The following GRIA2 variants were observed in gnomAD, a reference collection of about 807,000 sequenced individuals.
The protein encoded by GRIA2 is glutamate ionotropic receptor AMPA type subunit 2.
Under a neutral mutation model 97.3 loss-of-function variants are expected in GRIA2, and 14 were observed. The observed-to-expected ratio is 0.14, with a 90% CI of 0.10 to 0.23. The LOEUF is 0.23. GRIA2 is among the 10% of genes least tolerant of loss of function. The pLI is 1.00. For synonymous variants in GRIA2, 412 were observed against 387.8 expected (o/e 1.06, Z -0.73); for missense variants, 558 against 1,069.8 (o/e 0.52, Z 6.67).
intron 2 of GRIA2, among the ~76,000 whole-genome samples, chr4:157,272,810 A>G (rs1245936790): frequency 6.6e-6 from 1 of 152,102 alleles, no homozygotes; most frequent in African/African-American, 2.4e-5. Context: ...TCTGCCAAAC[A>G]TTCTGTCTCA....
chr4:157,289,099 G>A lies in GRIA2; in HGVS notation c.230-14453G>A, dbSNP rs1732975211. ...CTCTGCTGTGACCAATGCTGAGAAG[G>A]CAGCAAAGATTTGATTTGCAATCAA... is the stretch of plus-strand genomic sequence containing the variant. On this transcript the variant is annotated intron_variant, in intron 2 of 15. Coordinates refer to ENST00000264426, the MANE Select transcript of GRIA2 (RefSeq NM_001083619.3). 2.6e-5 allele frequency among the ~76,000 whole-genome samples: 4 copies of A among 151,796 alleles called. No individual in the cohort carries two copies. In the Admixed American group the frequency reaches 2.6e-4, roughly 10 times the overall value.
At chr4:157,272,715 A>C (rs1404779956) in intron 2 of GRIA2, among the ~76,000 whole-genome samples, 1 of 152,084 alleles carries the variant, frequency 6.6e-6, no homozygotes. Context: ...TGCCCTTAAG[A>C]GAAACTACTT....
chr4:157,292,521 G>T (rs185463522), intron 2 of GRIA2, among the ~76,000 whole-genome samples: 3 of 151,926 alleles, frequency 2.0e-5, no homozygotes, highest in African/African-American at 7.2e-5. Context: ...ATGAAGGATC[G>T]AGAATTTGGT....
Position 157,266,550 on chromosome 4 carries a change from T to A in GRIA2, c.230-37002T>A, listed in dbSNP as rs147767905. Among the ~76,000 whole-genome samples the A allele has an allele frequency of 3.7e-3, 563 of 152,142 alleles. 2 individuals are homozygous for A. Among genetic ancestry groups the A allele is most frequent in the African/African-American group, 0.012 (517 of 41,530 alleles). On this transcript the variant is annotated intron_variant, in intron 2 of 15. Coordinates refer to ENST00000264426, the MANE Select transcript of GRIA2 (RefSeq NM_001083619.3). ...AGTTTGTTAGCTAGAGAAACAAAAG[T>A]CCTCGGAGACCTTGGCAGATGAATT...
At chr4:157,343,045 A>T (rs187438799) in intron 12 of GRIA2, among the ~76,000 whole-genome samples, 8 of 152,194 alleles carry the variant, frequency 5.3e-5, no homozygotes, top group East Asian at 3.9e-4. Flanking sequence ...AGTAGACAAG[A>T]CAAGAAAGCT....
At position 157,332,961 on chromosome 4, in the gene GRIA2, T is replaced by C. The variant is rs771056190; in HGVS notation, c.1025T>C (p.Val342Ala). 6.2e-7 allele frequency: 1 copy of C among 1,609,822 alleles called. No homozygotes were observed. Among genetic ancestry groups the C allele is most frequent in the East Asian group, 2.2e-5 (1 of 44,820 alleles). ...ANPAVPWGQG[V>A]EIERALKQVQ... is the part of the protein sequence containing the mutation. ...CCAGCAGTGCCCTGGGGACAAGGTG[T>C]AGAAATAGAAAGGGCCCTCAAACAG... The change falls in exon 7 of 16, where the codon GTA becomes GCA. Residue 342 changes from valine (V) to alanine (A), a missense_variant. Physicochemically the swap from Val to Ala is moderately conservative, Grantham distance 64 (BLOSUM62 0). This residue lies in a region of GRIA2 where 66 missense variants were observed against 118.7 expected (regional missense o/e 0.56). Coordinates refer to ENST00000264426, the MANE Select transcript of GRIA2 (RefSeq NM_001083619.3).
chr4:157,361,527 T>G lies in GRIA2; in HGVS notation c.2406+403T>G, dbSNP rs780011174. ...ATTGATAATGTTATTTATGTTATTT[T>G]CCACGTGAAGAACCCCAGTAAATCT... On this transcript the variant is annotated intron_variant, in intron 14 of 15. Transcript: ENST00000264426. This position sits in a 1 kb window ranked among gnomAD's most constrained non-coding sequence, Gnocchi z 5.2. The G allele has an allele frequency of 4.7e-6, 7 of 1,499,584 alleles. No homozygotes were observed. The highest frequency in any genetic ancestry group is 6.5e-6 in the Non-Finnish European group (7 of 1,076,226). 92.9% of individuals were successfully genotyped at this position (1,499,584 alleles called of 1,614,324 possible).
intron 2 of GRIA2, among the ~76,000 whole-genome samples, chr4:157,297,772 G>T (rs1733416345): frequency 6.8e-6 from 1 of 146,056 alleles, no homozygotes; most frequent in Non-Finnish European, 1.5e-5. Flanking sequence ...GGCATTTTAT[G>T]TATTTCTTTT....
At chr4:157,222,599 G>T (rs1202941828) in intron 2 of GRIA2, among the ~76,000 whole-genome samples, 1 of 152,196 alleles carries the variant, frequency 6.6e-6, no homozygotes, top group Admixed American at 6.5e-5. Context: ...AGCCCGGCGC[G>T]CTTTGTTCTC....
In GRIA2 at chr4:157,363,876, C is replaced by T. The variant is rs1736755351; in HGVS notation, c.*445C>T. 1 of 251,354 alleles carries T rather than the reference C, an allele frequency of 4.0e-6. No homozygotes were observed. The highest frequency in any genetic ancestry group is 2.2e-5 in the African/African-American group (1 of 45,206). 15.6% of individuals were successfully genotyped at this position (251,354 alleles called of 1,614,324 possible). A position where few individuals can be genotyped will look rare whatever the true frequency, so the allele number is the denominator to read the frequency against. ...GACAACAAACCTGTTTCTGCAGCCA[C>T]TATTGTTAGTCTCTTGATTCATAAT... On this transcript the variant is annotated 3_prime_UTR_variant, in exon 16 of 16. Coordinates refer to ENST00000264426, the MANE Select transcript of GRIA2 (RefSeq NM_001083619.3).
intron 12 of GRIA2, among the ~76,000 whole-genome samples, chr4:157,356,834 C>T (rs1736403479): frequency 6.6e-6 from 1 of 152,042 alleles, no homozygotes; most frequent in Admixed American, 6.6e-5. Context: ...CTCCCCAGTG[C>T]ATCAGGTAGA....
At chr4:157,274,194 G>A (rs535398847) in intron 2 of GRIA2, among the ~76,000 whole-genome samples, 7 of 151,812 alleles carry the variant, frequency 4.6e-5, no homozygotes, top group South Asian at 2.1e-4. Flanking sequence ...ATTTTTTGCC[G>A]GTAGACCTAC....
At chr4:157,258,422 G>T (rs62331526) in intron 2 of GRIA2, among the ~76,000 whole-genome samples, 1 of 151,952 alleles carries the variant, frequency 6.6e-6, no homozygotes, top group South Asian at 2.1e-4. Context: ...CTCCTGTAGC[G>T]CTCCCAGGCC....
At chr4:157,333,013 G>A (rs1234400681) in intron 7 of GRIA2, 27 bp downstream of exon 7, 15 of 1,549,790 alleles carry the variant, frequency 9.7e-6, no homozygotes, top group South Asian at 2.4e-5. Context: ...AATCGTTAAC[G>A]TGACTTAATA....
intron 6 of GRIA2, among the ~76,000 whole-genome samples, chr4:157,323,110 C>A (rs573218223): frequency 6.6e-6 from 1 of 151,718 alleles, no homozygotes; most frequent in South Asian, 2.1e-4. Flanking sequence ...CCGAGGTGGG[C>A]GGATCACGTG....
At chr4:157,314,538 C>T (rs1031548125) in intron 4 of GRIA2, among the ~76,000 whole-genome samples, 6 of 152,066 alleles carry the variant, frequency 3.9e-5, no homozygotes, top group Non-Finnish European at 7.4e-5. Flanking sequence ...CTCAAAAATG[C>T]ATTTGAATTT....
intron 2 of GRIA2, among the ~76,000 whole-genome samples, chr4:157,299,680 A>C (rs1251797011): frequency 1.3e-5 from 2 of 152,146 alleles, no homozygotes; most frequent in African/African-American, 2.4e-5. Context: ...GCTTGTAATA[A>C]AAAGTGAAAT....
chr4:157,318,723 G>T (rs1734431011), intron 5 of GRIA2, among the ~76,000 whole-genome samples: 1 of 152,014 alleles, frequency 6.6e-6, no homozygotes, highest in African/African-American at 2.4e-5. Context: ...GATGCTATGT[G>T]ATTCAGGATC....
chr4:157,314,393 C>A (rs751119505), intron 4 of GRIA2, among the ~76,000 whole-genome samples: 2 of 152,146 alleles, frequency 1.3e-5, no homozygotes, highest in East Asian at 3.9e-4. Flanking sequence ...CTGAATAGAA[C>A]TAACTTGTTA....
Sources: gnomAD v4.1 joint callset for allele counts (sites outside exome capture counted in the v4.1 genomes callset) on GRCh38, gnomAD v4.1.1 for gene constraint, gnomAD v4.1.1 regional missense constraint, Gnocchi (gnomAD v3.1) non-coding constraint, MANE v1.5 for transcripts, NCBI Gene and HGNC (gene_info 2026-07-23, HGNC 2026-07-21) for gene names.